The following ATP5MC1 variants were observed in gnomAD, a reference collection of about 807,000 sequenced individuals.
ATP5MC1 encodes the protein ATP synthase F(0) complex subunit C1, mitochondrial.
A neutral mutation model predicts 12.1 loss-of-function variants in ATP5MC1; 4 were observed. The observed-to-expected ratio is 0.33, with a 90% CI of 0.16 to 0.76. ATP5MC1 has a LOEUF of 0.76. Among genes scored for constraint, ATP5MC1 ranks in the 30% least tolerant of loss-of-function variants. The pLI is 0.61. For missense variants in ATP5MC1, 117 were observed against 172.1 expected (o/e 0.68, Z 1.79); for synonymous variants, 52 against 66.0 (o/e 0.79, Z 1.03).
Position 48,894,361 on chromosome 17 carries a change from T to C in ATP5MC1, c.40-11T>C, listed in dbSNP as rs371950583. 4.2e-5 allele frequency: 68 copies of C among 1,613,768 alleles called. No individual in the cohort carries two copies. The African/African-American group carries it at 8.8e-4, about 21-fold the overall frequency. On this transcript the variant is annotated splice_polypyrimidine_tract_variant and intron_variant, in intron 2 of 4. Transcript: ENST00000393366. ...ACTGATTTGGTAGGATGTGGCTTTC[T>C]GATTTTACAGATCCGCTGTTGTACC... is the stretch of plus-strand genomic sequence containing the variant.
intron 1 of ATP5MC1, 48 bp from the exon 2 acceptor site, chr17:48,893,361 A>G: frequency 1.2e-6 from 2 of 1,600,996 alleles, no homozygotes; most frequent in Non-Finnish European, 1.7e-6. Flanking sequence ...TAAGCAAACA[A>G]CCAGGGTCTC....
intron 2 of ATP5MC1, chr17:48,893,708 A>G: frequency 1.8e-6 from 1 of 563,744 alleles, no homozygotes; most frequent in Non-Finnish European, 3.2e-6. Flanking sequence ...ACAGCCCACT[A>G]AAACAGTGGT....
rs1312971195 is a variant in ATP5MC1, at chr17:48,895,751, C to T, written c.393C>T (p.Leu131=). The T allele has an allele frequency of 1.3e-6, 2 of 1,595,716 alleles. No homozygotes were observed. The highest frequency in any genetic ancestry group is 2.2e-5 in the South Asian group (2 of 90,074). ...MGLFCLMVAF[L]ILFAM is the part of the protein sequence containing the mutation. ...TTTTCTGTTTGATGGTCGCCTTCCT[C>T]ATCCTCTTCGCCATGTGAGGCTCCA... The change falls in exon 5 of 5, where the codon CTC becomes CTT. Residue 131 remains leucine (L), a synonymous_variant. Transcript: ENST00000393366.
chr17:48,895,084 G>A (rs2040559262), intron 3 of ATP5MC1, 72 bp from the exon 4 acceptor site: 3 of 1,550,162 alleles, frequency 1.9e-6, no homozygotes, highest in Non-Finnish European at 2.6e-6. Context: ...GGGTGAAGGA[G>A]GTAGAGTCAG....
chr17:48,893,229 G>A (rs1254813267), intron 1 of ATP5MC1, 180 bp from the exon 2 acceptor site: 5 of 575,332 alleles, frequency 8.7e-6, no homozygotes, highest in East Asian at 2.9e-5. Context: ...ACTTTGCTTT[G>A]AAGACCCACT....
In ATP5MC1 at chr17:48,894,366, T is replaced by TTG. The variant is rs2040553745; in HGVS notation, c.40-5_40-4insGT. On this transcript the variant is annotated splice_polypyrimidine_tract_variant and splice_region_variant and intron_variant, in intron 2 of 4. Coordinates refer to ENST00000393366, the MANE Select transcript of ATP5MC1 (RefSeq NM_005175.3). Reference sequence around the variant, plus strand: ...TTTGGTAGGATGTGGCTTTCTGATTTTACAGATCCGCTGTTGTACCAGGGG... The same window carrying TTG: ...TTTGGTAGGATGTGGCTTTCTGATTTTGTACAGATCCGCTGTTGTACCAGGGG... The TTG allele has an allele frequency of 6.2e-7, 1 of 1,613,780 alleles. No homozygotes were observed. The highest frequency in any genetic ancestry group is 1.1e-5 in the South Asian group (1 of 91,018).
intron 1 of ATP5MC1, 44 bp from the exon 2 acceptor site, chr17:48,893,365 G>A (rs2038975966): frequency 6.2e-6 from 10 of 1,603,828 alleles, no homozygotes; most frequent in Non-Finnish European, 8.5e-6. Context: ...CAAACAACCA[G>A]GGTCTCAGTG....
At chr17:48,895,037 A>G in intron 3 of ATP5MC1, 119 bp from the exon 4 acceptor site, 1 of 1,143,544 alleles carries the variant, frequency 8.7e-7, no homozygotes, top group Non-Finnish European at 1.3e-6. Flanking sequence ...TGCATTTACC[A>G]GGCAGTTTGC....
At chr17:48,893,695 G>C in intron 2 of ATP5MC1, 1 of 578,534 alleles carries the variant, frequency 1.7e-6, no homozygotes, top group Non-Finnish European at 3.1e-6. Flanking sequence ...CCTGGCCATA[G>C]AGACAGCCCA....
chr17:48,895,069 G>A, intron 3 of ATP5MC1, 87 bp from the exon 4 acceptor site: 1 of 1,482,666 alleles, frequency 6.7e-7, no homozygotes, highest in South Asian at 1.2e-5. Flanking sequence ...GAGCTCAGGT[G>A]GGTGGGGTGA....
chr17:48,893,483 T>G, intron 2 of ATP5MC1, 27 bp downstream of exon 2: 1 of 1,612,878 alleles, frequency 6.2e-7, no homozygotes, highest in Non-Finnish European at 8.5e-7. Flanking sequence ...CAGTGCTCTG[T>G]AGTACCAGGT....
Position 48,895,777 on chromosome 17 carries a change from T to TG in ATP5MC1, c.*15dup, listed in dbSNP as rs35074390. ...ATCCTCTTCGCCATGTGAGGCTCCA[T>TG]GGGGGGGTCACCGGCCTGTTGCTAC... On this transcript the variant is annotated 3_prime_UTR_variant, in exon 5 of 5. Transcript: ENST00000393366. 3 of 1,603,202 alleles carry TG rather than the reference T, an allele frequency of 1.9e-6. No homozygotes were observed. In the African/African-American group the frequency reaches 4.0e-5, roughly 21 times the overall value.
Position 48,895,783 on chromosome 17 carries a change from G to A in ATP5MC1, c.*14G>A. The A allele has an allele frequency of 6.2e-7, 1 of 1,602,274 alleles. No individual in the cohort carries two copies. On this transcript the variant is annotated 3_prime_UTR_variant, in exon 5 of 5. Coordinates refer to ENST00000393366, the MANE Select transcript of ATP5MC1 (RefSeq NM_005175.3). ...TTCGCCATGTGAGGCTCCATGGGGGGGTCACCGGCCTGTTGCTACTGCAAC... is the reference window on the plus strand; with the variant it reads ...TTCGCCATGTGAGGCTCCATGGGGGAGTCACCGGCCTGTTGCTACTGCAAC...
intron 3 of ATP5MC1, 193 bp downstream of exon 3, chr17:48,894,642 T>C: frequency 1.8e-6 from 1 of 554,214 alleles, no homozygotes; most frequent in East Asian, 3.3e-5. Flanking sequence ...TGGTGGCATG[T>C]GGCTGTAGTC....
In ATP5MC1 at chr17:48,894,362, G is replaced by A; in HGVS notation, c.40-10G>A. The A allele has an allele frequency of 6.2e-7, 1 of 1,613,720 alleles. No individual in the cohort carries two copies. The highest frequency in any genetic ancestry group is 8.5e-7 in the Non-Finnish European group (1 of 1,179,860). ...CTGATTTGGTAGGATGTGGCTTTCT[G>A]ATTTTACAGATCCGCTGTTGTACCA... On this transcript the variant is annotated splice_polypyrimidine_tract_variant and intron_variant, in intron 2 of 4. Coordinates refer to ENST00000393366, the MANE Select transcript of ATP5MC1 (RefSeq NM_005175.3).
At chr17:48,893,322 G>A (rs573172017) in intron 1 of ATP5MC1, 87 bp from the exon 2 acceptor site, 19 of 1,410,324 alleles carry the variant, frequency 1.3e-5, no homozygotes, top group Admixed American at 2.0e-5. Flanking sequence ...ACGGACGGGG[G>A]TGAAGGGGAC....
chr17:48,893,847 A>G (rs1254193790), intron 2 of ATP5MC1: 3 of 255,494 alleles, frequency 1.2e-5, no homozygotes, highest in Admixed American at 5.0e-5. Flanking sequence ...GTATCTTTTA[A>G]GACTTCTCCA....
intron 3 of ATP5MC1, 155 bp downstream of exon 3, chr17:48,894,604 C>A: frequency 1.4e-6 from 1 of 692,716 alleles, no homozygotes; most frequent in Non-Finnish European, 2.4e-6. Context: ...CCCATCTCTA[C>A]AAAAAAAATA....
At chr17:48,895,469 A>G in intron 4 of ATP5MC1, 135 bp downstream of exon 4, 1 of 1,391,598 alleles carries the variant, frequency 7.2e-7, no homozygotes, top group East Asian at 2.3e-5. Flanking sequence ...GAAAACATGC[A>G]TCCAGCCTGG....
Sources: gnomAD v4.1 joint callset for allele counts on GRCh38, gnomAD v4.1.1 for gene constraint, MANE v1.5 for transcripts, NCBI Gene and HGNC (gene_info 2026-07-23, HGNC 2026-07-21) for gene names.